RUFY3: variants seen among roughly 807,000 people sequenced by gnomAD.
RUFY3 encodes RUN and FYVE domain containing 3.
A neutral mutation model predicts 84.0 loss-of-function variants in RUFY3; 34 were observed. That is an observed-to-expected ratio of 0.40 (90% confidence interval 0.31 to 0.54). The LOEUF is 0.54. Among genes scored for constraint, RUFY3 ranks in the 20% least tolerant of loss-of-function variants. The pLI, the probability that RUFY3 is intolerant of heterozygous loss-of-function variation, is 0.39. For missense variants in RUFY3, 507 were observed against 736.8 expected (o/e 0.69, Z 3.61); for synonymous variants, 242 against 252.9 (o/e 0.96, Z 0.41).
At chr4:70,764,886 C>T (rs2148711238) in intron 4 of RUFY3, among the ~76,000 whole-genome samples, 1 of 152,154 alleles carries the variant, frequency 6.6e-6, no homozygotes. Context: ...GCATTAAATT[C>T]AAATATAGCA....
chr4:70,794,835 A>C lies in RUFY3; in HGVS notation c.1498A>C (p.Arg500=), dbSNP rs1347199545. The C allele has an allele frequency of 1.9e-6, 3 of 1,613,382 alleles. No homozygotes were observed. The highest frequency in any genetic ancestry group is 2.5e-6 in the Non-Finnish European group (3 of 1,179,632). The change falls in exon 14 of 18, where the codon AGA becomes CGA. Residue 500 remains arginine, a synonymous_variant. Transcript: ENST00000381006. ...ELELKQEKER[R]LQNDRSIPGR... ...AGAACTAAAACAGGAAAAAGAAAGA[A>C]GATTACAAAACGACAGGAGCATCCC...
At chr4:70,789,003 G>C (rs1730366143) in intron 11 of RUFY3, 30 bp downstream of exon 11, 2 of 1,603,780 alleles carry the variant, frequency 1.2e-6, no homozygotes, top group East Asian at 4.5e-5. Context: ...TAGACTCACT[G>C]GCTCTCTAAA....
rs377064223 is a variant in RUFY3 at position 70,775,156 on chromosome 4, C to G, written c.759-12C>G. The G allele has an allele frequency of 6.4e-7, 1 of 1,574,718 alleles. No individual in the cohort carries two copies. Among genetic ancestry groups the G allele is most frequent in the South Asian group, 1.2e-5 (1 of 86,932 alleles). On this transcript the variant is annotated splice_polypyrimidine_tract_variant and intron_variant, in intron 6 of 17. Transcript: ENST00000381006. Reference sequence around the variant, plus strand: ...TATTTATTTTATTTCTATTTTCTTCCCCTTCCCCCAGAGACGGTCAGATTA... The same window carrying G: ...TATTTATTTTATTTCTATTTTCTTCGCCTTCCCCCAGAGACGGTCAGATTA...
intron 5 of RUFY3, among the ~76,000 whole-genome samples, chr4:70,769,750 A>G (rs937009884): frequency 1.3e-5 from 2 of 152,182 alleles, no homozygotes; most frequent in African/African-American, 4.8e-5. Context: ...AGTTTATGTA[A>G]TACTCTAGTA....
At position 70,732,470 on chromosome 4, in the gene RUFY3, C is replaced by T. The variant is rs149758282; in HGVS notation, c.178+9719C>T. On this transcript the variant is annotated intron_variant, in intron 1 of 17. Coordinates refer to ENST00000381006, the MANE Select transcript of RUFY3 (RefSeq NM_001037442.4). ...GACACATGCACACGTATGTTTATTG[C>T]GGCACTATTCATAGTAGCAAAGACT... Among the ~76,000 whole-genome samples the T allele has an allele frequency of 5.9e-3, 891 of 152,122 alleles. 10 individuals carry two copies. Among genetic ancestry groups the T allele is most frequent in the African/African-American group, 0.019 (770 of 41,486 alleles).
chr4:70,733,178 G>GAA lies in RUFY3; in HGVS notation c.178+10431_178+10432dup, dbSNP rs201187792. 4.5e-3 allele frequency among the ~76,000 whole-genome samples: 646 copies of GAA among 142,676 alleles called. 7 individuals are homozygous for GAA. The highest frequency in any genetic ancestry group is 0.015 in the African/African-American group (572 of 37,406). The allele number at this position is 142,676 out of a possible 152,430, so 93.6% of individuals were successfully genotyped here. ...AGAGAGAGAGAGAGAAAGAAAGAAAGAAAAATGGATTTTGTCTTCCTCCAT... is the reference window on the plus strand; with the variant it reads ...AGAGAGAGAGAGAGAAAGAAAGAAAGAAAAAAATGGATTTTGTCTTCCTCCAT... On this transcript the variant is annotated intron_variant, in intron 1 of 17. Transcript: ENST00000381006.
chr4:70,752,440 A>G (rs1387759902), intron 1 of RUFY3, among the ~76,000 whole-genome samples: 1 of 151,910 alleles, frequency 6.6e-6, no homozygotes, highest in Non-Finnish European at 1.5e-5. Flanking sequence ...CCCTGGCAAG[A>G]CTCGCCTATA....
chr4:70,798,743 T>C (rs935651501), intron 14 of RUFY3, among the ~76,000 whole-genome samples: 1 of 146,754 alleles, frequency 6.8e-6, no homozygotes, highest in African/African-American at 2.5e-5. Context: ...GAGGCAGAGG[T>C]TGCAGCGAGC....
At chr4:70,731,547 A>G (rs1719278996) in intron 1 of RUFY3, among the ~76,000 whole-genome samples, 1 of 152,192 alleles carries the variant, frequency 6.6e-6, no homozygotes, top group South Asian at 2.1e-4. Context: ...CAGATGTACA[A>G]AAGCAATAAG....
chr4:70,775,027 A>C, intron 6 of RUFY3, 141 bp from the exon 7 acceptor site: 1 of 518,232 alleles, frequency 1.9e-6, no homozygotes, highest in South Asian at 3.3e-5. Context: ...AGGGTTTTAC[A>C]TCAAATCTGT....
At chr4:70,721,658 T>C (rs137956252), upstream of RUFY3, among the ~76,000 whole-genome samples, 2,309 of 152,278 alleles carry the variant, frequency 0.015, 30 homozygotes, top group Middle Eastern at 0.051. Flanking sequence ...ATGAAAGAGG[T>C]GAATTATATG....
intron 15 of RUFY3, 87 bp downstream of exon 15, chr4:70,800,292 C>G: frequency 5.5e-6 from 5 of 905,236 alleles, no homozygotes; most frequent in Non-Finnish European, 8.5e-6. Context: ...TTGGCATTGA[C>G]ACCGACCAGA....
At chr4:70,780,972 A>G (rs1728820274) in intron 8 of RUFY3, among the ~76,000 whole-genome samples, 2 of 151,912 alleles carry the variant, frequency 1.3e-5, no homozygotes, top group Admixed American at 6.6e-5. Flanking sequence ...CAGTAAGGCC[A>G]GGCACAGTGG....
At position 70,793,838 on chromosome 4, in the gene RUFY3, T is replaced by G; in HGVS notation, c.1391T>G (p.Phe464Cys). ...TCTGCTGAGTTGGACAACCGGCTCTTCAAACAGGACTTTGGAGACAAGATC... is the reference window on the plus strand; with the variant it reads ...TCTGCTGAGTTGGACAACCGGCTCTGCAAACAGGACTTTGGAGACAAGATC... Reference protein sequence around the residue: ...RQSAELDNRLFKQDFGDKINS... With the variant: ...RQSAELDNRLCKQDFGDKINS... The change falls in exon 13 of 18, where the codon TTC (phenylalanine) becomes TGC (cysteine). Residue 464 changes from phenylalanine (F) to cysteine (C), a missense_variant. Transcript: ENST00000381006. 6.2e-7 allele frequency: 1 copy of G among 1,614,126 alleles called. No individual in the cohort carries two copies. Among genetic ancestry groups the G allele is most frequent in the Non-Finnish European group, 8.5e-7 (1 of 1,180,016 alleles).
At chr4:70,746,312 C>T (rs565683775) in intron 1 of RUFY3, among the ~76,000 whole-genome samples, 1 of 150,388 alleles carries the variant, frequency 6.6e-6, no homozygotes, top group Non-Finnish European at 1.5e-5. Context: ...CCACTGCACT[C>T]AAGCCTGGTT....
chr4:70,796,611 C>T (rs1731541453), intron 14 of RUFY3, among the ~76,000 whole-genome samples: 1 of 152,204 alleles, frequency 6.6e-6, no homozygotes, highest in Admixed American at 6.5e-5. Flanking sequence ...ATTGAGATAT[C>T]TGTGGTGTTG....
exon 1 of RUFY3, chr4:70,705,163 G>A: frequency 6.9e-7 from 1 of 1,459,112 alleles, no homozygotes; most frequent in Non-Finnish European, 9.0e-7. Context: ...GGAGGCGCCG[G>A]CTTCGGAGTG....
intron 4 of RUFY3, among the ~76,000 whole-genome samples, chr4:70,766,135 G>C (rs1725872847): frequency 6.6e-6 from 1 of 152,158 alleles, no homozygotes; most frequent in African/African-American, 2.4e-5. Flanking sequence ...AGTGATTGAG[G>C]TTGACCTTTA....
At chr4:70,741,585 A>G in intron 1 of RUFY3, 2 of 1,492,444 alleles carry the variant, frequency 1.3e-6, no homozygotes, top group Non-Finnish European at 1.8e-6. Flanking sequence ...GGCTTGCATG[A>G]CATTTTATCT....
Sources: allele counts gnomAD v4.1 joint callset (sites outside exome capture counted in the v4.1 genomes callset), GRCh38; gene constraint gnomAD v4.1.1; transcripts MANE v1.5; gene names NCBI Gene and HGNC (gene_info 2026-07-23, HGNC 2026-07-21).